PLEKHA5: variants seen among roughly 807,000 people sequenced by gnomAD.
The protein encoded by PLEKHA5 is pleckstrin homology domain containing A5, also known as pleckstrin homology domain-containing family A member 5.
PLEKHA5 carries 55 observed loss-of-function variants against 181.9 expected under a neutral mutation model. That is an observed-to-expected ratio of 0.30 (90% CI 0.24 to 0.38). The LOEUF (loss-of-function observed/expected upper bound fraction) is 0.38. PLEKHA5 is among the 10% of genes least tolerant of loss of function. The pLI is 1.00. For missense variants in PLEKHA5, 1,432 were observed against 1,549.5 expected, an observed-to-expected ratio of 0.92 and a Z score of 1.27; for synonymous variants, 535 against 529.4, an observed-to-expected ratio of 1.01 and a Z score of -0.15.
intron 11 of PLEKHA5, among the ~76,000 whole-genome samples, chr12:19,277,803 CA>C (rs150563508): frequency 0.15 from 23,083 of 152,088 alleles, 1,889 homozygotes; most frequent in African/African-American, 0.22. Context: ...AATATTTAGT[CA>C]AAATAGTAGA....
At chr12:19,334,257 G>A (rs1265167808) in intron 20 of PLEKHA5, among the ~76,000 whole-genome samples, 2 of 152,128 alleles carry the variant, frequency 1.3e-5, no homozygotes, top group Non-Finnish European at 2.9e-5. Flanking sequence ...ACAGAAACAG[G>A]TAGGCCTAGC....
intron 21 of PLEKHA5, among the ~76,000 whole-genome samples, chr12:19,341,571 G>T (rs1053998920): frequency 6.6e-6 from 1 of 151,646 alleles, no homozygotes; most frequent in South Asian, 2.1e-4. Flanking sequence ...GATGCTTCCA[G>T]GCTGTAGCTT....
intron 26 of PLEKHA5, among the ~76,000 whole-genome samples, chr12:19,354,344 G>A (rs1317305880): frequency 8.0e-5 from 11 of 138,066 alleles, no homozygotes; most frequent in South Asian, 2.3e-4. Context: ...TAGTAGAGAC[G>A]GGGTTTCACC....
chr12:19,306,982 G>T, intron 15 of PLEKHA5: 1 of 1,438,964 alleles, frequency 6.9e-7, no homozygotes. Flanking sequence ...TCAGACTGGC[G>T]CTGTTCCACC....
intron 3 of PLEKHA5, among the ~76,000 whole-genome samples, chr12:19,159,728 G>A (rs1190898216): frequency 6.6e-6 from 1 of 152,096 alleles, no homozygotes; most frequent in African/African-American, 2.4e-5. Flanking sequence ...GCATAGGTCT[G>A]CAGGTTTCAG....
chr12:19,348,528 TTGTAATATGTTTTACCTC>T lies in PLEKHA5; in HGVS notation c.3019+11_3019+28del. ...AACTTCAGTTGTTAAAGGTCAGCAT[TTGTAATATGTTTTACCTC>T]TTGGTTTTTGTTTTTGAAGACAATT... On this transcript the variant is annotated intron_variant, in intron 25 of 31. Coordinates refer to ENST00000429027, the MANE Select transcript of PLEKHA5 (RefSeq NM_001256470.2). 6.4e-7 allele frequency: 1 copy of T among 1,556,764 alleles called. No individual in the cohort carries two copies. The highest frequency in any genetic ancestry group is 8.6e-7 in the Non-Finnish European group (1 of 1,159,226).
chr12:19,345,399 C>CA lies in PLEKHA5; in HGVS notation c.2663-434dup, dbSNP rs905806814. ...TGGGCGACAGAGCGAAACTCTGTCTCAAAAAAAAATAAAAATAAAAAATAA... is the reference window on the plus strand; with the variant it reads ...TGGGCGACAGAGCGAAACTCTGTCTCAAAAAAAAAATAAAAATAAAAAATAA... On this transcript the variant is annotated intron_variant, in intron 22 of 31. Transcript: ENST00000429027. Among the ~76,000 whole-genome samples, 21 of 107,358 alleles carry CA rather than the reference C, an allele frequency of 2.0e-4. No individual in the cohort carries two copies. The South Asian group carries it at 2.5e-3, about 13-fold the overall frequency. 70.4% of individuals were successfully genotyped at this position (107,358 alleles called of 152,430 possible).
intron 3 of PLEKHA5, among the ~76,000 whole-genome samples, chr12:19,208,281 G>A (rs950112461): frequency 1.7e-4 from 26 of 151,844 alleles, no homozygotes; most frequent in African/African-American, 5.6e-4. Context: ...GGTGGAAGGC[G>A]CCTATAATCC....
In PLEKHA5 at chr12:19,316,555, A is replaced by G. The variant is rs557341195; in HGVS notation, c.2118+1661A>G. On this transcript the variant is annotated intron_variant, in intron 16 of 31. Coordinates refer to ENST00000429027, the MANE Select transcript of PLEKHA5 (RefSeq NM_001256470.2). ...ATATGTGAAAGAAAACTAAAATTGT[A>G]TAGAACAGAAAGATCTGAATGTCTA... Among the ~76,000 whole-genome samples the G allele has an allele frequency of 5.3e-5, 8 of 152,314 alleles. No homozygotes were observed. The South Asian group carries it at 1.7e-3, about 32-fold the overall frequency.
chr12:19,318,504 G>A (rs1016589557), intron 16 of PLEKHA5, among the ~76,000 whole-genome samples: 1 of 151,814 alleles, frequency 6.6e-6, no homozygotes, highest in African/African-American at 2.4e-5. Flanking sequence ...ATATACTAAT[G>A]TTTTTTTCTG....
At chr12:19,195,822 C>A (rs1408823000) in intron 3 of PLEKHA5, among the ~76,000 whole-genome samples, 1 of 151,444 alleles carries the variant, frequency 6.6e-6, no homozygotes, top group Non-Finnish European at 1.5e-5. Context: ...TCATAGATAT[C>A]TTCCATGGCA....
intron 28 of PLEKHA5, among the ~76,000 whole-genome samples, chr12:19,361,234 A>G (rs1219414079): frequency 6.6e-6 from 1 of 152,090 alleles, no homozygotes; most frequent in Non-Finnish European, 1.5e-5. Context: ...CCCAGGCTGG[A>G]GTGCAGTCCG....
rs1206514330 is a variant in PLEKHA5 at position 19,366,046 on chromosome 12, G to A, written c.3691G>A (p.Glu1231Lys). Residue 1231 changes from glutamate (E) to lysine (K), a missense_variant, in exon 30 of 32, where the codon GAA (glutamate) becomes AAA (lysine). This residue lies in a region of PLEKHA5 where 1,143 missense variants were observed against 1,168.4 expected (regional missense o/e 0.98). Transcript: ENST00000429027. The stretch of plus-strand genomic sequence containing the variant: ...TACAAAGAACAGTGTTGACGAACAG[G>A]AAGAAACTGTTATTTCTTACGAATC... Reference protein sequence around the residue: ...ENTKNSVDEQEETVISYESTP... With the variant: ...ENTKNSVDEQKETVISYESTP... The A allele has an allele frequency of 3.7e-6, 6 of 1,610,922 alleles. No individual in the cohort carries two copies. The highest frequency in any genetic ancestry group is 2.7e-5 in the African/African-American group (2 of 74,962).
intron 16 of PLEKHA5, among the ~76,000 whole-genome samples, chr12:19,317,094 A>G (rs1484857777): frequency 6.6e-6 from 1 of 152,126 alleles, no homozygotes; most frequent in Non-Finnish European, 1.5e-5. Context: ...AGGCTTGTCG[A>G]GGTGGCTTAT....
chr12:19,239,788 A>T (rs2062129045), intron 3 of PLEKHA5, among the ~76,000 whole-genome samples: 1 of 152,192 alleles, frequency 6.6e-6, no homozygotes, highest in African/African-American at 2.4e-5. Flanking sequence ...CACCAGGCTC[A>T]ATTCAAATGG....
chr12:19,159,951 C>A (rs1423198886), intron 3 of PLEKHA5, among the ~76,000 whole-genome samples: 1 of 151,944 alleles, frequency 6.6e-6, no homozygotes, highest in East Asian at 1.9e-4. Flanking sequence ...GATGTGGGTC[C>A]TTCAGATGAC....
In PLEKHA5 at chr12:19,365,859, T is replaced by A. The variant is rs373377701; in HGVS notation, c.3609-105T>A. 79 of 656,030 alleles carry A rather than the reference T, an allele frequency of 1.2e-4. No homozygotes were observed. The African/African-American group carries it at 1.3e-3, about 11-fold the overall frequency. 40.6% of individuals were successfully genotyped at this position (656,030 alleles called of 1,614,324 possible). A position where few individuals can be genotyped will look rare whatever the true frequency, so the allele number is the denominator to read the frequency against. ...AAAGAAAAGATTAATTGTAAGAAAA[T>A]GTTCGTTGTTAAACATAGGTGGTGG... On this transcript the variant is annotated intron_variant, in intron 29 of 31. Coordinates refer to ENST00000429027, the MANE Select transcript of PLEKHA5 (RefSeq NM_001256470.2).
chr12:19,359,837 G>T (rs1009681834), intron 28 of PLEKHA5, among the ~76,000 whole-genome samples: 2 of 151,818 alleles, frequency 1.3e-5, no homozygotes, highest in African/African-American at 2.4e-5. Context: ...TTGGTGGCAG[G>T]CTCCTGTAGT....
rs1274281310 is a variant in PLEKHA5, at chr12:19,336,606, G to A, written c.2540G>A (p.Gly847Asp). 2 of 1,567,428 alleles carry A rather than the reference G, an allele frequency of 1.3e-6. No homozygotes were observed. Among genetic ancestry groups the A allele is most frequent in the South Asian group, 1.1e-5 (1 of 89,646 alleles). ...NQMQEQLDHL[G>D]EVQTESAGIQ... ...ATGCAAGAGCAGCTGGATCACCTTG[G>A]TGAAGTTCAGGTACAAAAGTATAAT... is the stretch of plus-strand genomic sequence containing the variant. Residue 847 changes from glycine (G) to aspartate (D), a missense_variant, in exon 21 of 32, where the codon GGT (glycine) becomes GAT (aspartate). Physicochemically the swap from Gly to Asp is moderately conservative, Grantham distance 94. This residue lies in a region of PLEKHA5 where 1,143 missense variants were observed against 1,168.4 expected (regional missense o/e 0.98). Transcript: ENST00000429027.
Sources: allele counts gnomAD v4.1 joint callset (sites outside exome capture counted in the v4.1 genomes callset), GRCh38; gene constraint gnomAD v4.1.1; regional missense constraint gnomAD v4.1.1; transcripts MANE v1.5; gene names NCBI Gene and HGNC (gene_info 2026-07-23, HGNC 2026-07-21).